Variants in NRF1 observed in about 807,000 individuals in gnomAD.
The protein encoded by NRF1 is alpha palindromic-binding protein.
In NRF1, 5 loss-of-function variants were observed where a neutral mutation model predicts 58.5. That is an observed-to-expected ratio of 0.09 (90% CI 0.04 to 0.18). The LOEUF is 0.18. Ranked by LOEUF, NRF1 falls within the 10% of genes least tolerant of loss-of-function variation. NRF1 has a pLI of 1.00. For synonymous variants in NRF1, 224 were observed against 246.7 expected, an observed-to-expected ratio of 0.91 and a Z score of 0.86; for missense variants, 288 against 657.7, an observed-to-expected ratio of 0.44 and a Z score of 6.15.
intron 1 of NRF1, among the ~76,000 whole-genome samples, chr7:129,616,064 T>C (rs1051035836): frequency 1.3e-5 from 2 of 152,070 alleles, no homozygotes; most frequent in Admixed American, 6.5e-5. Context: ...CACACACACA[T>C]ATATATATTT....
chr7:129,755,131 G>A lies in NRF1; in HGVS notation c.1462G>A (p.Ala488Thr), dbSNP rs377034777. 22 of 1,613,670 alleles carry A rather than the reference G, an allele frequency of 1.4e-5. No individual in the cohort carries two copies. Among genetic ancestry groups the A allele is most frequent in the South Asian group, 7.7e-5 (7 of 90,998 alleles). Residue 488 changes from alanine to threonine, a missense_variant, in exon 11 of 11, where the codon GCA (alanine) becomes ACA (threonine). Transcript: ENST00000393232. This position sits in a 1 kb window ranked among gnomAD's most constrained non-coding sequence, Gnocchi z 5.8. ...APVTTRISDS[A>T]VTMDGQAVEV... ...TGTGACCACCAGGATATCAGACAGC[G>A]CAGTCACCATGGACGGCCAAGCTGT...
chr7:129,647,064 C>T (rs571760122), intron 1 of NRF1, among the ~76,000 whole-genome samples: 4 of 152,166 alleles, frequency 2.6e-5, no homozygotes, highest in African/African-American at 4.8e-5. Flanking sequence ...GAGATGGAGT[C>T]GCACCCTGTC....
chr7:129,686,421 A>G (rs1329524637), intron 4 of NRF1, among the ~76,000 whole-genome samples: 2 of 152,210 alleles, frequency 1.3e-5, no homozygotes, highest in Non-Finnish European at 2.9e-5. Context: ...GTTTCTTGAG[A>G]AAAAAAGATA....
rs1462211649 is a variant in NRF1, at chr7:129,696,507, T to TA, written c.606+5962dup. Among the ~76,000 whole-genome samples, 149 of 152,356 alleles carry TA rather than the reference T, an allele frequency of 9.8e-4. 5 individuals are homozygous for TA. The highest frequency in any genetic ancestry group is 9.7e-3 in the Admixed American group (149 of 15,310). ...TATAGTCAAGGAAGCAGAGCTCAGA[T>TA]ATAGCTTATAGCCATAAAGAACAAG... On this transcript the variant is annotated intron_variant, in intron 5 of 10. Transcript: ENST00000393232.
chr7:129,633,317 A>G (rs1360029251), intron 1 of NRF1: 2 of 152,234 alleles, frequency 1.3e-5, no homozygotes, highest in East Asian at 1.9e-4. Flanking sequence ...TAAAAAGCCT[A>G]CAAGTATTTC....
intron 4 of NRF1, among the ~76,000 whole-genome samples, chr7:129,689,855 C>A (rs1562971410): frequency 6.6e-6 from 1 of 152,258 alleles, no homozygotes; most frequent in South Asian, 2.1e-4. Flanking sequence ...CTACAACATA[C>A]ACCTATCAGT....
intron 10 of NRF1, among the ~76,000 whole-genome samples, chr7:129,736,753 A>G (rs534552271): frequency 3.7e-4 from 56 of 150,956 alleles, no homozygotes; most frequent in Non-Finnish European, 5.9e-4. Context: ...GCCCACAAAA[A>G]AAGGTTAAGA....
chr7:129,663,491 C>T (rs567236530), intron 2 of NRF1, among the ~76,000 whole-genome samples: 55 of 149,198 alleles, frequency 3.7e-4, no homozygotes, highest in Non-Finnish European at 5.9e-4. Context: ...ACCTCCCAGA[C>T]GGGGCGGCCG....
chr7:129,633,695 C>T (rs987520257), intron 1 of NRF1: 4 of 152,068 alleles, frequency 2.6e-5, no homozygotes, highest in Non-Finnish European at 5.9e-5. Flanking sequence ...AGCTGACCAA[C>T]CCTCCTGACT....
intron 9 of NRF1, among the ~76,000 whole-genome samples, chr7:129,723,809 C>G (rs1022953497): frequency 1.6e-4 from 24 of 152,290 alleles, no homozygotes; most frequent in African/African-American, 5.3e-4. Flanking sequence ...GTTTTGATTA[C>G]TACAGCTTTG....
chr7:129,730,058 C>T (rs1247847754), intron 10 of NRF1, among the ~76,000 whole-genome samples: 1 of 152,180 alleles, frequency 6.6e-6, no homozygotes, highest in African/African-American at 2.4e-5. Context: ...ACTCTGGCCT[C>T]AGGTGATCCA....
intron 4 of NRF1, among the ~76,000 whole-genome samples, chr7:129,683,423 T>A (rs1024790828): frequency 1.3e-5 from 2 of 151,206 alleles, no homozygotes; most frequent in African/African-American, 4.9e-5. Flanking sequence ...CTGCTTCCTG[T>A]GTTCAAGTGA....
Position 129,748,148 on chromosome 7 carries a change from G to A in NRF1, c.1349-6870G>A, listed in dbSNP as rs963218251. On this transcript the variant is annotated intron_variant, in intron 10 of 10. Coordinates refer to ENST00000393232, the MANE Select transcript of NRF1 (RefSeq NM_005011.5). ...AAATTAGCCGGGCGTGGTGGTGCGC[G>A]CCTGTAATCCCAGCTACTCAGGAGG... 1.5e-4 allele frequency among the ~76,000 whole-genome samples: 22 copies of A among 151,468 alleles called. 1 individual carries two copies. The highest frequency in any genetic ancestry group is 3.9e-4 in the Admixed American group (6 of 15,202).
intron 1 of NRF1, among the ~76,000 whole-genome samples, chr7:129,620,951 C>G (rs532423763): frequency 6.6e-6 from 1 of 152,164 alleles, no homozygotes; most frequent in Admixed American, 6.5e-5. Flanking sequence ...TAGTGTCTTT[C>G]TGAAATATGA....
chr7:129,697,272 G>A (rs542340415), intron 5 of NRF1, among the ~76,000 whole-genome samples: 27 of 151,714 alleles, frequency 1.8e-4, no homozygotes, highest in African/African-American at 4.3e-4. Flanking sequence ...AGCCGGGCGC[G>A]GTGGCTCACG....
intron 4 of NRF1, among the ~76,000 whole-genome samples, chr7:129,688,982 G>T (rs569833660): frequency 6.6e-6 from 1 of 152,212 alleles, no homozygotes; most frequent in East Asian, 1.9e-4. Flanking sequence ...TAGACTACAG[G>T]AACATAGCAG....
chr7:129,724,464 C>T (rs773790217), intron 9 of NRF1, among the ~76,000 whole-genome samples: 1 of 152,180 alleles, frequency 6.6e-6, no homozygotes, highest in Non-Finnish European at 1.5e-5. Context: ...CTGTGGAAAA[C>T]AATATGATAA....
intron 5 of NRF1, among the ~76,000 whole-genome samples, chr7:129,700,577 T>A (rs1409865386): frequency 6.6e-6 from 1 of 152,238 alleles, no homozygotes; most frequent in Admixed American, 6.5e-5. Flanking sequence ...AAAAAATGTT[T>A]ACATATATGA....
At chr7:129,732,654 G>A (rs558863569) in intron 10 of NRF1, among the ~76,000 whole-genome samples, 1 of 152,194 alleles carries the variant, frequency 6.6e-6, no homozygotes, top group South Asian at 2.1e-4. Flanking sequence ...CCAGGCTGGA[G>A]TGCAGTGGCT....
Sources: allele counts gnomAD v4.1 joint callset (sites outside exome capture counted in the v4.1 genomes callset), GRCh38; gene constraint gnomAD v4.1.1; non-coding constraint Gnocchi (gnomAD v3.1); transcripts MANE v1.5; gene names NCBI Gene and HGNC (gene_info 2026-07-23, HGNC 2026-07-21).